KHK: variants seen among roughly 807,000 people sequenced by gnomAD.
KHK encodes ketohexokinase.
A neutral mutation model predicts 36.0 loss-of-function variants in KHK; 37 were observed. The observed-to-expected ratio is 1.03, with a 90% CI of 0.79 to 1.35. The LOEUF is 1.35. Among genes scored for constraint, KHK ranks in the 40% most tolerant of loss-of-function variants. KHK has a pLI of 0.00. For missense variants in KHK, 395 were observed against 391.9 expected, an observed-to-expected ratio of 1.01 and a Z score of -0.07; for synonymous variants, 161 against 162.8, an observed-to-expected ratio of 0.99 and a Z score of 0.08.
rs78939351 is a variant in KHK, at chr2:27,100,255, G to A, written c.*505G>A. The stretch of plus-strand genomic sequence containing the variant: ...TCTATTCCCACAGCTCAGAAGCTGG[G>A]AGTCCACACCGCTGAGCTGAACTGA... On this transcript the variant is annotated 3_prime_UTR_variant, in exon 8 of 8. Coordinates refer to ENST00000260598, the MANE Select transcript of KHK (RefSeq NM_006488.3). The A allele has an allele frequency of 1.5e-3, 571 of 392,166 alleles. 20 individuals are homozygous for A. The East Asian group carries it at 0.037, about 26-fold the overall frequency. 24.3% of individuals were successfully genotyped at this position (392,166 alleles called of 1,614,324 possible).
At chr2:27,089,156 G>A (rs1310123748) in intron 1 of KHK, among the ~76,000 whole-genome samples, 1 of 152,188 alleles carries the variant, frequency 6.6e-6, no homozygotes, top group Non-Finnish European at 1.5e-5. Context: ...GCTGCAGCTC[G>A]AGTCTCCTAG....
Position 27,099,576 on chromosome 2 carries a change from G to A in KHK, c.810G>A (p.Gln270=). The change falls in exon 7 of 8, where the codon CAG becomes CAA. Residue 270 remains glutamine, a splice_region_variant and synonymous_variant. Transcript: ENST00000260598. ...CCTCCGTCATCTTCAGCCTCTCCCA[G>A]GGTGAGTATGGCAGCAGGAGGGGAA... is the stretch of plus-strand genomic sequence containing the variant. The part of the protein sequence containing the change: ...FNASVIFSLS[Q]GRSVQEALRF... The A allele has an allele frequency of 1.2e-6, 2 of 1,614,178 alleles. No homozygotes were observed. Among genetic ancestry groups the A allele is most frequent in the African/African-American group, 1.3e-5 (1 of 75,052 alleles).
chr2:27,087,683 G>A (rs1669741481), intron 1 of KHK, among the ~76,000 whole-genome samples: 1 of 152,214 alleles, frequency 6.6e-6, no homozygotes, highest in South Asian at 2.1e-4. Flanking sequence ...TTATCCAGGG[G>A]CACACAGCTA....
intron 1 of KHK, 26 bp from the exon 2 acceptor site, chr2:27,092,306 G>A: frequency 6.4e-7 from 1 of 1,571,040 alleles, no homozygotes. Flanking sequence ...TGCTGGGGCT[G>A]CAGGGACCCT....
In KHK at chr2:27,099,823, C is replaced by CCTG; in HGVS notation, c.*74_*76dup. 1 of 1,571,326 alleles carries CCTG rather than the reference C, an allele frequency of 6.4e-7. No homozygotes were observed. The highest frequency in any genetic ancestry group is 8.6e-7 in the Non-Finnish European group (1 of 1,158,572). ...GCATCGCCTTCTCCCCTCCATCCAG[C>CCTG]CTGGCGTCCAGGTTGCCCTGTTCAG... On this transcript the variant is annotated 3_prime_UTR_variant, in exon 8 of 8. Coordinates refer to ENST00000260598, the MANE Select transcript of KHK (RefSeq NM_006488.3).
intron 1 of KHK, 100 bp from the exon 2 acceptor site, chr2:27,092,232 A>G: frequency 1.1e-6 from 1 of 946,962 alleles, no homozygotes; most frequent in East Asian, 2.4e-5. Flanking sequence ...ATGCTTTCTG[A>G]GAGGAGTCCC....
chr2:27,097,681 T>C, intron 5 of KHK, 32 bp downstream of exon 5: 1 of 1,613,836 alleles, frequency 6.2e-7, no homozygotes, highest in Admixed American at 1.7e-5. Flanking sequence ...TCTTTGCCAC[T>C]TCCAGCTAAT....
At chr2:27,098,767 G>A (rs527605541) in intron 5 of KHK, 1 of 196,268 alleles carries the variant, frequency 5.1e-6, no homozygotes, top group South Asian at 8.5e-5. Context: ...GAGCCAGCAT[G>A]GCGGTGGTAG....
intron 3 of KHK, among the ~76,000 whole-genome samples, chr2:27,095,893 G>A (rs772679383): frequency 1.3e-5 from 2 of 152,238 alleles, no homozygotes; most frequent in Non-Finnish European, 2.9e-5. Context: ...TAGTAACCCT[G>A]ATCAAGGACA....
chr2:27,091,413 A>G (rs958396873), intron 1 of KHK, among the ~76,000 whole-genome samples: 2 of 152,148 alleles, frequency 1.3e-5, no homozygotes, highest in South Asian at 2.1e-4. Flanking sequence ...TTCTAATGAC[A>G]TCGTGCTCCC....
intron 2 of KHK, chr2:27,094,162 G>T: frequency 2.3e-6 from 1 of 439,076 alleles, no homozygotes; most frequent in Non-Finnish European, 4.3e-6. Flanking sequence ...CTAGGGTCCT[G>T]TCTAGCTTTA....
At chr2:27,094,441 G>A (rs1325735277) in intron 2 of KHK, 7 of 1,610,408 alleles carry the variant, frequency 4.3e-6, no homozygotes, top group African/African-American at 2.7e-5. Flanking sequence ...AACCCTTGTC[G>A]AACTGCACCC....
At position 27,094,830 on chromosome 2, in the gene KHK, C is replaced by T. The variant is rs550720212; in HGVS notation, c.240C>T (p.Gly80=). Residue 80 remains glycine, a synonymous_variant, in exon 3 of 8, where the codon GGC becomes GGT. Coordinates refer to ENST00000260598, the MANE Select transcript of KHK (RefSeq NM_006488.3). Reference sequence around the variant, plus strand: ...TGGTGGCCGACTTCAGGCGGCGGGGCGTGGACGTGTCTCAGGTGGCCTGGC... The same window carrying T: ...TGGTGGCCGACTTCAGGCGGCGGGGTGTGGACGTGTCTCAGGTGGCCTGGC... ...DFLVADFRRR[G]VDVSQVAWQS... is the part of the protein sequence containing the mutation. The T allele has an allele frequency of 1.9e-5, 30 of 1,614,030 alleles. No individual in the cohort carries two copies. The highest frequency in any genetic ancestry group is 1.6e-4 in the Middle Eastern group (1 of 6,062).
intron 1 of KHK, among the ~76,000 whole-genome samples, chr2:27,091,309 G>A (rs372304018): frequency 3.3e-5 from 5 of 150,922 alleles, no homozygotes; most frequent in South Asian, 2.1e-4. Context: ...GGCTGGTCTC[G>A]AACTTCTGGG....
intron 3 of KHK, 21 bp from the exon 4 acceptor site, chr2:27,096,708 C>T: frequency 1.9e-6 from 3 of 1,608,322 alleles, no homozygotes; most frequent in Non-Finnish European, 2.6e-6. Context: ...TCTTCTCTGT[C>T]TTTTCCATCC....
In KHK at chr2:27,099,569, T is replaced by G; in HGVS notation, c.803T>G (p.Leu268Arg). ...TTCAATGCCTCCGTCATCTTCAGCC[T>G]CTCCCAGGGTGAGTATGGCAGCAGG... ...DTFNASVIFS[L>R]SQGRSVQEAL... Residue 268 changes from leucine (L) to arginine (R), a missense_variant, in exon 7 of 8, where the codon CTC (leucine) becomes CGC (arginine). Coordinates refer to ENST00000260598, the MANE Select transcript of KHK (RefSeq NM_006488.3). The G allele has an allele frequency of 6.2e-7, 1 of 1,614,102 alleles. No homozygotes were observed. Among genetic ancestry groups the G allele is most frequent in the Non-Finnish European group, 8.5e-7 (1 of 1,180,008 alleles).
rs574518559 is a variant in KHK at position 27,089,244 on chromosome 2, A to G, written c.92+1893A>G. ...TGCTGTTGACCATCTCTTGGAGTTG[A>G]CCCTTTGCTTTGGTTTGCCAGAGGT... On this transcript the variant is annotated intron_variant, in intron 1 of 7. Coordinates refer to ENST00000260598, the MANE Select transcript of KHK (RefSeq NM_006488.3). Among the ~76,000 whole-genome samples the G allele has an allele frequency of 2.0e-5, 3 of 152,074 alleles. No homozygotes were observed. In the South Asian group the frequency reaches 6.2e-4, roughly 32 times the overall value.
chr2:27,099,839 C>T lies in KHK; in HGVS notation c.*89C>T. On this transcript the variant is annotated 3_prime_UTR_variant, in exon 8 of 8. Transcript: ENST00000260598. Reference sequence around the variant, plus strand: ...TCCATCCAGCCTGGCGTCCAGGTTGCCCTGTTCAGGGGACAGATGCAAGCT... The same window carrying T: ...TCCATCCAGCCTGGCGTCCAGGTTGTCCTGTTCAGGGGACAGATGCAAGCT... 1 of 1,558,608 alleles carries T rather than the reference C, an allele frequency of 6.4e-7. No homozygotes were observed. The highest frequency in any genetic ancestry group is 8.7e-7 in the Non-Finnish European group (1 of 1,151,526).
chr2:27,094,521 A>G, intron 2 of KHK: 1 of 1,613,974 alleles, frequency 6.2e-7, no homozygotes, highest in South Asian at 1.1e-5. Flanking sequence ...GACCTACGCT[A>G]CACAGTCTTT....
Sources: allele counts gnomAD v4.1 joint callset (sites outside exome capture counted in the v4.1 genomes callset), GRCh38; gene constraint gnomAD v4.1.1; transcripts MANE v1.5; gene names NCBI Gene and HGNC (gene_info 2026-07-23, HGNC 2026-07-21).